The following SSH1 variants were observed in gnomAD, a reference collection of about 807,000 sequenced individuals.
SSH1 encodes slingshot protein phosphatase 1, also known as protein phosphatase Slingshot homolog 1.
SSH1 carries 43 observed loss-of-function variants against 79.7 expected under a neutral mutation model. The ratio of observed to expected loss-of-function variants is 0.54; its 90% CI spans 0.42 to 0.70. SSH1 has a LOEUF of 0.70. Among genes scored for constraint, SSH1 ranks in the 30% least tolerant of loss-of-function variants. The probability of loss-of-function intolerance (pLI) is 0.00; values close to 1 mark genes in which losing one functional copy is unlikely to be tolerated. For missense variants in SSH1, 1,206 were observed against 1,358.8 expected (o/e 0.89, Z 1.77); for synonymous variants, 599 against 538.3 (o/e 1.11, Z -1.56).
intron 1 of SSH1, chr12:108,853,002 G>T (rs1189920532): frequency 1.0e-6 from 1 of 985,250 alleles, no homozygotes; most frequent in East Asian, 1.1e-4. Flanking sequence ...TTCCGAGGTT[G>T]TTCTGGACCT....
intron 14 of SSH1, among the ~76,000 whole-genome samples, chr12:108,790,616 T>C (rs1291830577): frequency 6.6e-6 from 1 of 152,246 alleles, no homozygotes; most frequent in Non-Finnish European, 1.5e-5. Context: ...TTATGGGTAT[T>C]TGCTTTGTGG....
Position 108,836,038 on chromosome 12 carries a change from A to ACT in SSH1, c.111-12678_111-12677insAG, listed in dbSNP as rs879792673. 3.1e-3 allele frequency among the ~76,000 whole-genome samples: 423 copies of ACT among 137,902 alleles called. 9 individuals carry two copies. Among genetic ancestry groups the ACT allele is most frequent in the Admixed American group, 0.017 (237 of 13,596 alleles). 90.5% of individuals were successfully genotyped at this position (137,902 alleles called of 152,430 possible). ...CTATATTAATATAATCGATTATATT[A>ACT]ATATTAATATAATCAATATTAACAA... On this transcript the variant is annotated intron_variant, in intron 2 of 14. Transcript: ENST00000326495.
At chr12:108,801,696 G>A (rs1343796901) in intron 11 of SSH1, among the ~76,000 whole-genome samples, 1 of 149,374 alleles carries the variant, frequency 6.7e-6, no homozygotes, top group African/African-American at 2.5e-5. Flanking sequence ...ATGTCATCAT[G>A]TCAGGCCCAC....
Position 108,793,149 on chromosome 12 carries a change from G to A in SSH1, c.1350-320C>T, listed in dbSNP as rs138665312. 4.2e-3 allele frequency among the ~76,000 whole-genome samples: 636 copies of A among 152,244 alleles called. 4 individuals carry two copies. The highest frequency in any genetic ancestry group is 7.1e-3 in the Admixed American group (109 of 15,288). On this transcript the variant is annotated intron_variant, in intron 13 of 14. Transcript: ENST00000326495. ...GTGTTTAGTGATGCCTCATTGTCAC[G>A]TCAGTTACACTCCATCTCTCATTTC...
Position 108,789,163 on chromosome 12 carries a change from C to A in SSH1, c.1975G>T (p.Gly659Trp). The part of the protein sequence containing the change: ...CADCMYPTAS[G>W]APEASRERCE... ...CGCTCCCTGGAGGCCTCAGGAGCCC[C>A]GCTGGCTGTAGGGTACATGCAGTCG... The change falls in exon 15 of 15, where the codon GGG (glycine) becomes TGG (tryptophan). Residue 659 changes from glycine (G) to tryptophan (W), a missense_variant. Gly to Trp is a radical substitution (Grantham distance 184). Coordinates refer to ENST00000326495, the MANE Select transcript of SSH1 (RefSeq NM_018984.4). The A allele has an allele frequency of 6.2e-7, 1 of 1,612,296 alleles. No individual in the cohort carries two copies. The highest frequency in any genetic ancestry group is 8.5e-7 in the Non-Finnish European group (1 of 1,179,144).
At position 108,779,324 on chromosome 12, in the gene SSH1, A is replaced by T. The variant is rs560942761; in HGVS notation, c.*8664T>A. 2 of 152,346 alleles carry T rather than the reference A, an allele frequency of 1.3e-5. No homozygotes were observed. Among genetic ancestry groups the T allele is most frequent in the East Asian group, 3.9e-4 (2 of 5,186 alleles). The allele number at this position is 152,346 out of a possible 1,614,324, so 9.4% of individuals were successfully genotyped here. ...GAAACACACCTTGTGTCACCCCAAT[A>T]GCCTTTGGAGCAAGAAGTGGGTCCA... On this transcript the variant is annotated 3_prime_UTR_variant, in exon 15 of 15. Coordinates refer to ENST00000326495, the MANE Select transcript of SSH1 (RefSeq NM_018984.4).
chr12:108,794,050 C>G (rs902787685), intron 13 of SSH1, among the ~76,000 whole-genome samples: 1 of 152,238 alleles, frequency 6.6e-6, no homozygotes, highest in Admixed American at 6.5e-5. Flanking sequence ...CTGTCCAGCC[C>G]TTCCGACAGT....
intron 2 of SSH1, among the ~76,000 whole-genome samples, chr12:108,846,510 A>G (rs1396439692): frequency 3.3e-5 from 5 of 152,234 alleles, no homozygotes; most frequent in African/African-American, 1.2e-4. Context: ...ACGAGCGGCC[A>G]GCAGCAGCCT....
chr12:108,814,147 G>A (rs1319545113), intron 5 of SSH1, among the ~76,000 whole-genome samples: 2 of 151,804 alleles, frequency 1.3e-5, no homozygotes, highest in Non-Finnish European at 2.9e-5. Flanking sequence ...TCGCTTGAAC[G>A]CGGGAGGCAG....
At position 108,800,896 on chromosome 12, in the gene SSH1, T is replaced by C. The variant is rs1398677897; in HGVS notation, c.1032A>G (p.Glu344=). The change falls in exon 12 of 15, where the codon GAA becomes GAG. Residue 344 remains glutamate, a synonymous_variant. Coordinates refer to ENST00000326495, the MANE Select transcript of SSH1 (RefSeq NM_018984.4). ...ATAAGCCAGGAAAAAAATTATCGAT[T>C]TCTCTGGTAACATTTAAAATGTAAT... ...GVDYILNVTR[E]IDNFFPGLFA... is the part of the protein sequence containing the mutation. The C allele has an allele frequency of 6.2e-7, 1 of 1,613,804 alleles. No individual in the cohort carries two copies. The highest frequency in any genetic ancestry group is 8.5e-7 in the Non-Finnish European group (1 of 1,179,770).
At chr12:108,851,612 G>A (rs773887468) in intron 2 of SSH1, among the ~76,000 whole-genome samples, 1 of 152,054 alleles carries the variant, frequency 6.6e-6, no homozygotes, top group African/African-American at 2.4e-5. Flanking sequence ...CCAAACAAAG[G>A]CAGAACTTAA....
At chr12:108,794,284 C>T (rs2036645811) in intron 13 of SSH1, among the ~76,000 whole-genome samples, 2 of 152,214 alleles carry the variant, frequency 1.3e-5, no homozygotes, top group African/African-American at 4.8e-5. Flanking sequence ...ACTTGAGAGC[C>T]TGGGGTACTG....
At chr12:108,845,800 A>G (rs2038887739) in intron 2 of SSH1, among the ~76,000 whole-genome samples, 1 of 152,252 alleles carries the variant, frequency 6.6e-6, no homozygotes, top group Admixed American at 6.5e-5. Flanking sequence ...TCCAGTACGG[A>G]CACAGAACTT....
chr12:108,825,689 T>C (rs1423035490), intron 2 of SSH1, among the ~76,000 whole-genome samples: 2 of 152,168 alleles, frequency 1.3e-5, no homozygotes, highest in South Asian at 2.1e-4. Context: ...CACAGGCATA[T>C]ATTTGTGCTG....
intron 14 of SSH1, chr12:108,791,952 T>C (rs2136977537): frequency 1.5e-6 from 2 of 1,316,528 alleles, no homozygotes; most frequent in Middle Eastern, 2.9e-4. Context: ...GTTTTAATTT[T>C]ACATACACAA....
intron 13 of SSH1, 143 bp downstream of exon 13, chr12:108,798,857 C>T (rs1441143733): frequency 2.3e-6 from 2 of 886,524 alleles, no homozygotes; most frequent in Non-Finnish European, 3.7e-6. Flanking sequence ...AACTGGCTCC[C>T]CCTGAGAGGC....
At position 108,807,911 on chromosome 12, in the gene SSH1, G is replaced by A. The variant is rs951710773; in HGVS notation, c.537-84C>T. Reference sequence around the variant, plus strand: ...TCCTCTGACAAAGGGGTTCAAATACGGGAAGGGAAGGGCAATGATTGATTG... The same window carrying A: ...TCCTCTGACAAAGGGGTTCAAATACAGGAAGGGAAGGGCAATGATTGATTG... On this transcript the variant is annotated intron_variant, in intron 7 of 14. Coordinates refer to ENST00000326495, the MANE Select transcript of SSH1 (RefSeq NM_018984.4). The surrounding 1 kb of genome is among the most constrained non-coding windows in gnomAD (Gnocchi z 5.2). 25 of 1,170,518 alleles carry A rather than the reference G, an allele frequency of 2.1e-5. No homozygotes were observed. Among genetic ancestry groups the A allele is most frequent in the South Asian group, 1.4e-4 (11 of 79,220 alleles). The allele number at this position is 1,170,518 out of a possible 1,614,324, so 72.5% of individuals were successfully genotyped here.
rs2036127780 is a variant in SSH1, at chr12:108,779,585, T to A, written c.*8403A>T. 1.3e-5 allele frequency: 2 copies of A among 152,320 alleles called. No homozygotes were observed. Among genetic ancestry groups the A allele is most frequent in the Non-Finnish European group, 1.5e-5 (1 of 68,030 alleles). 9.4% of individuals were successfully genotyped at this position (152,320 alleles called of 1,614,324 possible). A position where few individuals can be genotyped will look rare whatever the true frequency, so the allele number is the denominator to read the frequency against. On this transcript the variant is annotated 3_prime_UTR_variant, in exon 15 of 15. Transcript: ENST00000326495. ...GGCCTGTTTTTTCATAAACTGAGAA[T>A]AATGCCAACAAGGCAGTTAATAGAA...
At chr12:108,825,836 C>T (rs1247512289) in intron 2 of SSH1, among the ~76,000 whole-genome samples, 1 of 152,224 alleles carries the variant, frequency 6.6e-6, no homozygotes, top group Admixed American at 6.5e-5. Flanking sequence ...ATTTCACAGG[C>T]TGCAGAATCA....
Sources: allele counts gnomAD v4.1 joint callset (sites outside exome capture counted in the v4.1 genomes callset), GRCh38; gene constraint gnomAD v4.1.1; non-coding constraint Gnocchi (gnomAD v3.1); transcripts MANE v1.5; gene names NCBI Gene and HGNC (gene_info 2026-07-23, HGNC 2026-07-21).